The following GPC3 variants were observed in gnomAD, a reference collection of about 807,000 sequenced individuals.
GPC3 encodes glypican-3.
Under a neutral mutation model 34.4 loss-of-function variants are expected in GPC3, and 3 were observed. The ratio of observed to expected loss-of-function variants is 0.09; its 90% CI spans 0.04 to 0.23. The LOEUF is 0.23. GPC3 is among the 10% of genes least tolerant of loss of function. GPC3 has a pLI of 1.00. For missense variants in GPC3, 351 were observed against 445.6 expected (o/e 0.79, Z 1.91); for synonymous variants, 177 against 174.0 (o/e 1.02, Z -0.13).
intron 2 of GPC3, among the ~76,000 whole-genome samples, chrX:133,873,413 C>A (rs910342254): frequency 1.8e-5 from 2 of 111,797 alleles, no homozygotes; most frequent in African/African-American, 6.5e-5. Context: ...ATCCCCCAAG[C>A]CCCAAGAATG....
intron 3 of GPC3, among the ~76,000 whole-genome samples, chrX:133,746,823 A>C (rs1022831832): frequency 8.9e-6 from 1 of 112,104 alleles, no homozygotes; most frequent in African/African-American, 3.2e-5. Flanking sequence ...CTGAGACTGA[A>C]AAATGAAAGT....
In GPC3 at chrX:133,687,092, ATTTTT is replaced by A. The variant is rs775110101; in HGVS notation, c.1292+5272_1292+5276del. 1.3e-3 allele frequency among the ~76,000 whole-genome samples: 92 copies of A among 69,244 alleles called. 3 individuals carry two copies. The highest frequency in any genetic ancestry group is 0.012 in the South Asian group (14 of 1,170). The allele number at this position is 69,244 out of a possible 115,157, so 60.1% of individuals were successfully genotyped here. On this transcript the variant is annotated intron_variant, in intron 5 of 7. Coordinates refer to ENST00000370818, the MANE Select transcript of GPC3 (RefSeq NM_004484.4). ...GGGCACCTGCCACCATGGCCGGCTAATTTTTTTTTTTTTTTTTTTTTTTGTATTTT... is the reference window on the plus strand; with the variant it reads ...GGGCACCTGCCACCATGGCCGGCTAATTTTTTTTTTTTTTTTTTGTATTTT...
chrX:133,693,816 C>T (rs2071088915), intron 4 of GPC3, among the ~76,000 whole-genome samples: 1 of 111,744 alleles, frequency 8.9e-6, no homozygotes, highest in Admixed American at 9.5e-5. Context: ...GAGGTGTGGT[C>T]CCCAAGGTGG....
intron 2 of GPC3, among the ~76,000 whole-genome samples, chrX:133,895,513 G>A (rs1840841660): frequency 9.0e-6 from 1 of 111,396 alleles, no homozygotes; most frequent in Non-Finnish European, 1.9e-5. Context: ...AGAAATCATA[G>A]GTAGCAGCAG....
At chrX:133,976,959 A>AAATC (rs1210220197) in intron 1 of GPC3, among the ~76,000 whole-genome samples, 1 of 108,882 alleles carries the variant, frequency 9.2e-6, no homozygotes, top group Non-Finnish European at 1.9e-5. Context: ...ATAAATAAAT[A>AAATC]AATAAATGAG....
intron 6 of GPC3, among the ~76,000 whole-genome samples, chrX:133,651,239 A>G (rs1485553933): frequency 9.2e-6 from 1 of 108,209 alleles, no homozygotes; most frequent in Non-Finnish European, 1.9e-5. Context: ...GCTGGAGTGC[A>G]GTGGCGCGAT....
At chrX:133,656,483 A>C (rs183093038) in intron 6 of GPC3, among the ~76,000 whole-genome samples, 1 of 112,043 alleles carries the variant, frequency 8.9e-6, no homozygotes, top group East Asian at 2.8e-4. Context: ...AATGTAAGTA[A>C]TAATGCCTGC....
intron 2 of GPC3, among the ~76,000 whole-genome samples, chrX:133,855,688 C>A (rs549236617): frequency 3.5e-4 from 38 of 109,582 alleles, no homozygotes; most frequent in African/African-American, 1.2e-3. Flanking sequence ...TAACTATAGT[C>A]CTTATGTTTT....
Position 133,753,750 on chromosome X carries a change from A to G in GPC3, c.764T>C (p.Met255Thr). The change falls in exon 3 of 8, where the codon ATG (methionine) becomes ACG (threonine). Residue 255 changes from methionine (M) to threonine (T), a missense_variant. Coordinates refer to ENST00000370818, the MANE Select transcript of GPC3 (RefSeq NM_004484.4). ...HLKFSKDCGR[M>T]LTRMWYCSYC... Reference sequence around the variant, plus strand: ...AGAGCAGTACCACATTCTGGTGAGCATTCGGCCACAGTCCTTACTGAACTT... The same window carrying G: ...AGAGCAGTACCACATTCTGGTGAGCGTTCGGCCACAGTCCTTACTGAACTT... The G allele has an allele frequency of 8.3e-7, 1 of 1,211,608 alleles. No individual in the cohort carries two copies. The highest frequency in any genetic ancestry group is 1.8e-5 in the South Asian group (1 of 56,973).
At chrX:133,649,268 ATGTGTGTGTG>A (rs201681195) in intron 6 of GPC3, among the ~76,000 whole-genome samples, 3 of 104,098 alleles carry the variant, frequency 2.9e-5, no homozygotes, top group African/African-American at 7.0e-5. Flanking sequence ...ATATATATAT[ATGTGTGTGTG>A]TGTGTGTGTG....
chrX:133,950,739 T>C (rs1052192975), intron 2 of GPC3, among the ~76,000 whole-genome samples: 12 of 112,060 alleles, frequency 1.1e-4, no homozygotes, highest in Admixed American at 5.7e-4. Context: ...CATTATCTTG[T>C]AGTGGTCCCC....
In GPC3 at chrX:133,619,791, G is replaced by A. The variant is rs190427107; in HGVS notation, c.1414-23192C>T. ...AACCACTGAATTGTACATTTTAAAA[G>A]GGTGAATTTTATAGTATGTGTATTT... On this transcript the variant is annotated intron_variant, in intron 6 of 7. Transcript: ENST00000370818. Among the ~76,000 whole-genome samples the A allele has an allele frequency of 7.9e-3, 879 of 110,578 alleles. 10 individuals carry two copies. The highest frequency in any genetic ancestry group is 0.027 in the African/African-American group (829 of 30,397).
rs191596568 is a variant in GPC3, at chrX:133,796,234, C to T, written c.338-42058G>A. Among the ~76,000 whole-genome samples, 277 of 111,726 alleles carry T rather than the reference C, an allele frequency of 2.5e-3. 1 individual carries two copies. Among genetic ancestry groups the T allele is most frequent in the Middle Eastern group, 9.3e-3 (2 of 215 alleles). On this transcript the variant is annotated intron_variant, in intron 2 of 7. Transcript: ENST00000370818. Reference sequence around the variant, plus strand: ...TGCTGGGATTACAGGCGTGAGCCACCGCGCCTGGCATAAGAGCCATTTTCA... The same window carrying T: ...TGCTGGGATTACAGGCGTGAGCCACTGCGCCTGGCATAAGAGCCATTTTCA...
In GPC3 at chrX:133,634,154, C is replaced by T. The variant is rs150489313; in HGVS notation, c.1413+27576G>A. Among the ~76,000 whole-genome samples, 1,010 of 111,762 alleles carry T rather than the reference C, an allele frequency of 9.0e-3. 15 individuals are homozygous for T. Among genetic ancestry groups the T allele is most frequent in the African/African-American group, 0.03 (917 of 30,813 alleles). On this transcript the variant is annotated intron_variant, in intron 6 of 7. Coordinates refer to ENST00000370818, the MANE Select transcript of GPC3 (RefSeq NM_004484.4). ...TACCACTACACACCCACCAGAAAGTCTATAATCAACGAATGACAATACCAT... is the reference window on the plus strand; with the variant it reads ...TACCACTACACACCCACCAGAAAGTTTATAATCAACGAATGACAATACCAT...
intron 7 of GPC3, among the ~76,000 whole-genome samples, chrX:133,579,170 C>G (rs1384280025): frequency 8.9e-6 from 1 of 112,255 alleles, no homozygotes; most frequent in African/African-American, 3.2e-5. Context: ...AGACTCAGCT[C>G]AGTTTCTGAC....
At chrX:133,670,229 G>T (rs773551555) in intron 5 of GPC3, among the ~76,000 whole-genome samples, 225 of 111,764 alleles carry the variant, frequency 2.0e-3, no homozygotes, top group Non-Finnish European at 3.3e-3. Context: ...AGCACTCTCA[G>T]CGATCATCTG....
intron 2 of GPC3, among the ~76,000 whole-genome samples, chrX:133,862,507 C>T (rs867933019): frequency 9.7e-6 from 1 of 103,152 alleles, no homozygotes; most frequent in Non-Finnish European, 2.0e-5. Flanking sequence ...GGTGAAACCC[C>T]GTCTCTACTA....
intron 5 of GPC3, chrX:133,671,274 A>G: frequency 1.0e-6 from 1 of 989,484 alleles, no homozygotes; most frequent in Non-Finnish European, 1.4e-6. Context: ...CATGGCCTGT[A>G]TGAGAAGAAA....
intron 7 of GPC3, among the ~76,000 whole-genome samples, chrX:133,558,025 G>A (rs1221848802): frequency 9.0e-6 from 1 of 110,872 alleles, no homozygotes; most frequent in Non-Finnish European, 1.9e-5. Flanking sequence ...GCAGAAATCC[G>A]GTCGGACAGC....
Sources: gnomAD v4.1 joint callset for allele counts (sites outside exome capture counted in the v4.1 genomes callset) on GRCh38, gnomAD v4.1.1 for gene constraint, MANE v1.5 for transcripts, NCBI Gene and HGNC (gene_info 2026-07-23, HGNC 2026-07-21) for gene names.